Variants in CDH12 observed in about 807,000 individuals in gnomAD.
CDH12 encodes the protein cadherin-12.
CDH12 carries 41 observed loss-of-function variants against 74.1 expected under a neutral mutation model. The ratio of observed to expected loss-of-function variants is 0.55; its 90% CI spans 0.43 to 0.72. CDH12 has a LOEUF of 0.72. CDH12 is among the 30% of genes least tolerant of loss of function. CDH12 has a pLI of 0.00. For synonymous variants in CDH12, 399 were observed against 355.0 expected (o/e 1.12, Z -1.39); for missense variants, 945 against 977.2 (o/e 0.97, Z 0.44).
rs113122310 is a variant in CDH12 at position 22,460,061 on chromosome 5, G to A, written c.-428+45209C>T. 4.0e-3 allele frequency among the ~76,000 whole-genome samples: 608 copies of A among 152,162 alleles called. 7 individuals are homozygous for A. The highest frequency in any genetic ancestry group is 0.014 in the African/African-American group (579 of 41,532). On this transcript the variant is annotated intron_variant, in intron 2 of 14. Transcript: ENST00000382254. ...AATAAGTGAATGGCTGCCCAAATAAGTAAATGAAAAATTAGAGAAAGCAAG... is the reference window on the plus strand; with the variant it reads ...AATAAGTGAATGGCTGCCCAAATAAATAAATGAAAAATTAGAGAAAGCAAG...
chr5:21,775,366 T>C (rs916481867), intron 11 of CDH12, among the ~76,000 whole-genome samples: 2 of 152,148 alleles, frequency 1.3e-5, no homozygotes, highest in African/African-American at 4.8e-5. Flanking sequence ...AGAAGTGAAA[T>C]GCTTCTTTGG....
chr5:22,322,018 T>C (rs866324161), intron 3 of CDH12, among the ~76,000 whole-genome samples: 9 of 152,174 alleles, frequency 5.9e-5, no homozygotes, highest in African/African-American at 1.7e-4. Context: ...ATCTATTTCA[T>C]AAATAGCAAA....
chr5:22,142,583 A>C, intron 4 of CDH12: 2 of 653,796 alleles, frequency 3.1e-6, no homozygotes, highest in Non-Finnish European at 5.1e-6. Context: ...AGATTTTGAC[A>C]GTGAGTAGTT....
chr5:21,822,916 T>A (rs1748452898), intron 8 of CDH12, among the ~76,000 whole-genome samples: 1 of 152,112 alleles, frequency 6.6e-6, no homozygotes, highest in Non-Finnish European at 1.5e-5. Context: ...AACTTTTTTC[T>A]AGTTCTGAGC....
intron 3 of CDH12, among the ~76,000 whole-genome samples, chr5:22,323,702 G>A (rs1554031660): frequency 2.6e-5 from 4 of 152,194 alleles, no homozygotes; most frequent in Non-Finnish European, 5.9e-5. Flanking sequence ...ACATGATTAA[G>A]AGAAGGAGAC....
At chr5:22,398,407 A>C (rs918007377) in intron 3 of CDH12, among the ~76,000 whole-genome samples, 5 of 152,148 alleles carry the variant, frequency 3.3e-5, no homozygotes, top group Non-Finnish European at 4.4e-5. Context: ...AATTACTTCT[A>C]GCTAGGAATA....
At chr5:22,452,471 C>T (rs868471834) in intron 2 of CDH12, among the ~76,000 whole-genome samples, 3 of 151,794 alleles carry the variant, frequency 2.0e-5, no homozygotes, top group Non-Finnish European at 3.0e-5. Context: ...ACAATGGGGA[C>T]ACAACAGTCT....
chr5:22,408,989 T>C (rs1743067932), intron 2 of CDH12, among the ~76,000 whole-genome samples: 1 of 152,036 alleles, frequency 6.6e-6, no homozygotes, highest in Non-Finnish European at 1.5e-5. Context: ...TTAAACCATA[T>C]GCTGTAGGCT....
At chr5:22,336,583 GCCA>G (rs1739592483) in intron 3 of CDH12, among the ~76,000 whole-genome samples, 1 of 152,208 alleles carries the variant, frequency 6.6e-6, no homozygotes, top group Admixed American at 6.5e-5. Flanking sequence ...TACAGCTTGG[GCCA>G]TGGCTTCAGA....
intron 1 of CDH12, among the ~76,000 whole-genome samples, chr5:22,555,864 ACAAT>A (rs1300240307): frequency 6.8e-6 from 1 of 146,352 alleles, no homozygotes; most frequent in African/African-American, 2.5e-5. Context: ...TAAAACACAA[ACAAT>A]CAAGACCAAA....
chr5:22,042,566 G>A (rs1739645054), intron 5 of CDH12, among the ~76,000 whole-genome samples: 1 of 151,868 alleles, frequency 6.6e-6, no homozygotes, highest in Admixed American at 6.6e-5. Context: ...CAACAAATTG[G>A]AAAACCTATC....
intron 3 of CDH12, among the ~76,000 whole-genome samples, chr5:22,359,798 A>G (rs529495751): frequency 1.3e-5 from 2 of 152,330 alleles, no homozygotes; most frequent in Non-Finnish European, 2.9e-5. Context: ...ACTCAACTAC[A>G]TGGAAACTGA....
intron 1 of CDH12, among the ~76,000 whole-genome samples, chr5:22,625,106 A>G (rs1738213860): frequency 6.6e-6 from 1 of 152,174 alleles, no homozygotes; most frequent in East Asian, 1.9e-4. Flanking sequence ...TGGGAAATGA[A>G]CAATGAGAAC....
rs1382899715 is a variant in CDH12 at position 22,301,855 on chromosome 5, GAC to G, written c.-332-89214_-332-89213del. Among the ~76,000 whole-genome samples the G allele has an allele frequency of 7.3e-5, 11 of 151,642 alleles. 1 individual carries two copies. In the East Asian group the frequency reaches 1.9e-3, roughly 27 times the overall value. ...ATTTATTTATTGTATTTTTGGTAGAGACAGAGTCTCACCATGTTGCCCAGGCT... is the reference window on the plus strand; with the variant it reads ...ATTTATTTATTGTATTTTTGGTAGAGAGAGTCTCACCATGTTGCCCAGGCT... On this transcript the variant is annotated intron_variant, in intron 3 of 14. Coordinates refer to ENST00000382254, the MANE Select transcript of CDH12 (RefSeq NM_004061.5).
chr5:22,574,710 T>C (rs1739700000), intron 1 of CDH12, among the ~76,000 whole-genome samples: 3 of 152,130 alleles, frequency 2.0e-5, no homozygotes, highest in African/African-American at 7.2e-5. Context: ...TAACTTTCCT[T>C]CTCTTCCTCT....
At chr5:22,577,358 C>G (rs1248869748) in intron 1 of CDH12, among the ~76,000 whole-genome samples, 1 of 152,162 alleles carries the variant, frequency 6.6e-6, no homozygotes, top group Non-Finnish European at 1.5e-5. Context: ...AAAGCCATAA[C>G]ATCCTTTTCT....
At chr5:22,759,838 G>A (rs1029579952) in intron 1 of CDH12, among the ~76,000 whole-genome samples, 1 of 152,128 alleles carries the variant, frequency 6.6e-6, no homozygotes, top group Non-Finnish European at 1.5e-5. Flanking sequence ...AAATCTGCAG[G>A]GTAGGTGGGC....
chr5:22,725,936 G>A (rs1424455852), intron 1 of CDH12, among the ~76,000 whole-genome samples: 1 of 151,588 alleles, frequency 6.6e-6, no homozygotes, highest in Non-Finnish European at 1.5e-5. Flanking sequence ...TATTTTTCAA[G>A]CAGCTTTAGT....
chr5:22,612,265 T>C (rs1186888553), intron 1 of CDH12, among the ~76,000 whole-genome samples: 1 of 152,196 alleles, frequency 6.6e-6, no homozygotes, highest in Non-Finnish European at 1.5e-5. Context: ...TTTACACTTC[T>C]GTAAATCTTT....
Sources: gnomAD v4.1 joint callset for allele counts (sites outside exome capture counted in the v4.1 genomes callset) on GRCh38, gnomAD v4.1.1 for gene constraint, MANE v1.5 for transcripts, NCBI Gene and HGNC (gene_info 2026-07-23, HGNC 2026-07-21) for gene names.